Variants in FARS2 observed in about 807,000 individuals in gnomAD.
The protein encoded by FARS2 is phenylalanine--tRNA ligase, mitochondrial.
FARS2 carries 40 observed loss-of-function variants against 46.4 expected under a neutral mutation model. The observed-to-expected ratio is 0.86, with a 90% CI of 0.67 to 1.12. FARS2 has a LOEUF of 1.12. Among genes scored for constraint, FARS2 ranks in the 50% most tolerant of loss-of-function variants. FARS2 has a pLI of 0.00. For missense variants in FARS2, 513 were observed against 567.9 expected, an observed-to-expected ratio of 0.90 and a Z score of 0.98; for synonymous variants, 234 against 214.9, an observed-to-expected ratio of 1.09 and a Z score of -0.78.
At chr6:5,563,472 A>T (rs773074562) in intron 5 of FARS2, among the ~76,000 whole-genome samples, 4 of 152,126 alleles carry the variant, frequency 2.6e-5, no homozygotes, top group Non-Finnish European at 5.9e-5. Context: ...TTTTCCAGAG[A>T]TGCTTTAAAA....
At chr6:5,317,614 CTACAAAAA>C (rs1380907020) in intron 1 of FARS2, among the ~76,000 whole-genome samples, 7 of 151,840 alleles carry the variant, frequency 4.6e-5, no homozygotes, top group African/African-American at 1.5e-4. Flanking sequence ...AACCCCATCT[CTACAAAAA>C]TACAAAAATT....
intron 1 of FARS2, among the ~76,000 whole-genome samples, chr6:5,339,302 G>A (rs1771386293): frequency 1.3e-5 from 2 of 152,134 alleles, no homozygotes; most frequent in Admixed American, 1.3e-4. Context: ...TTCCTAATTG[G>A]CTCAAAGATA....
chr6:5,704,068 A>G (rs373511113), intron 6 of FARS2, among the ~76,000 whole-genome samples: 62 of 152,262 alleles, frequency 4.1e-4, no homozygotes, highest in African/African-American at 1.5e-3. Context: ...TCAGATGCCA[A>G]CGCTGGTCAG....
At chr6:5,502,780 C>G (rs1478503365) in intron 4 of FARS2, among the ~76,000 whole-genome samples, 1 of 152,202 alleles carries the variant, frequency 6.6e-6, no homozygotes, top group African/African-American at 2.4e-5. Context: ...GTAGGTATAG[C>G]TTTTAATATC....
chr6:5,485,829 G>T (rs1459324313), intron 4 of FARS2, among the ~76,000 whole-genome samples: 1 of 152,146 alleles, frequency 6.6e-6, no homozygotes, highest in Non-Finnish European at 1.5e-5. Flanking sequence ...ATTAGAATTC[G>T]GTACCACTGA....
rs1000120234 is a variant in FARS2, at chr6:5,650,102, G to A, written c.1217+36782G>A. Among the ~76,000 whole-genome samples the A allele has an allele frequency of 3.9e-5, 6 of 152,058 alleles. 1 individual carries two copies. The highest frequency in any genetic ancestry group is 1.3e-4 in the Admixed American group (2 of 15,276). ...TAACTAAGGTCAGAGGACCGAGCCT[G>A]GGGTTTTAAAAGAATTCACGGAGCA... On this transcript the variant is annotated intron_variant, in intron 6 of 6. Transcript: ENST00000274680.
chr6:5,340,110 C>T (rs1308964289), intron 1 of FARS2, among the ~76,000 whole-genome samples: 1 of 152,184 alleles, frequency 6.6e-6, no homozygotes, highest in East Asian at 1.9e-4. Context: ...TATTAGGTGC[C>T]TTTCACATCT....
At chr6:5,575,142 A>G (rs76502668) in intron 5 of FARS2, among the ~76,000 whole-genome samples, 2,872 of 152,262 alleles carry the variant, frequency 0.019, 90 homozygotes, top group African/African-American at 0.065. Flanking sequence ...AGAGTACTTC[A>G]GCACTATGCT....
At chr6:5,574,076 T>G (rs150480338) in intron 5 of FARS2, among the ~76,000 whole-genome samples, 233 of 152,350 alleles carry the variant, frequency 1.5e-3, no homozygotes, top group African/African-American at 5.3e-3. Context: ...GTAGTGAATA[T>G]GCTAATTGCA....
chr6:5,625,770 T>C (rs927834201), intron 6 of FARS2, among the ~76,000 whole-genome samples: 1 of 152,162 alleles, frequency 6.6e-6, no homozygotes, highest in Non-Finnish European at 1.5e-5. Flanking sequence ...GGGACTCTGC[T>C]GTTACAGCAG....
chr6:5,750,865 C>G (rs1761906857), intron 6 of FARS2, among the ~76,000 whole-genome samples: 1 of 152,186 alleles, frequency 6.6e-6, no homozygotes, highest in Non-Finnish European at 1.5e-5. Flanking sequence ...GTGATCATCT[C>G]TCATGGTCAA....
At chr6:5,264,497 T>G (rs1266546925) in intron 1 of FARS2, among the ~76,000 whole-genome samples, 1 of 142,670 alleles carries the variant, frequency 7.0e-6, no homozygotes, top group Non-Finnish European at 1.5e-5. Flanking sequence ...TCTTTTTTCT[T>G]TTTTTTTTTT....
intron 4 of FARS2, among the ~76,000 whole-genome samples, chr6:5,462,255 T>G (rs1765284515): frequency 6.6e-6 from 1 of 152,178 alleles, no homozygotes; most frequent in African/African-American, 2.4e-5. Context: ...TTATTTGTCT[T>G]ATTATTCAGT....
intron 6 of FARS2, among the ~76,000 whole-genome samples, chr6:5,724,232 AC>A (rs1161821845): frequency 6.6e-6 from 1 of 152,348 alleles, no homozygotes; most frequent in East Asian, 1.9e-4. Flanking sequence ...TGAGAGGGCA[AC>A]CACCGGTGCC....
At chr6:5,725,402 G>C (rs994607889) in intron 6 of FARS2, among the ~76,000 whole-genome samples, 1 of 152,184 alleles carries the variant, frequency 6.6e-6, no homozygotes, top group African/African-American at 2.4e-5. Flanking sequence ...AGCAGGGAGG[G>C]AAGTTAGGTC....
intron 5 of FARS2, among the ~76,000 whole-genome samples, chr6:5,585,101 G>T (rs1046533176): frequency 1.8e-4 from 28 of 152,070 alleles, no homozygotes; most frequent in African/African-American, 5.3e-4. Context: ...GCAGAATTAT[G>T]TGGGGAAAAC....
rs546360805 is a variant in FARS2, at chr6:5,655,583, G to C, written c.1217+42263G>C. Among the ~76,000 whole-genome samples, 6 of 152,268 alleles carry C rather than the reference G, an allele frequency of 3.9e-5. 1 individual carries two copies. The South Asian group carries it at 1.2e-3, about 32-fold the overall frequency. ...CATCTAGCGGTCCCTGCATCCTTTGGCTTGTGGCCCCTTCCTCACATCTCC... is the reference window on the plus strand; with the variant it reads ...CATCTAGCGGTCCCTGCATCCTTTGCCTTGTGGCCCCTTCCTCACATCTCC... On this transcript the variant is annotated intron_variant, in intron 6 of 6. Coordinates refer to ENST00000274680, the MANE Select transcript of FARS2 (RefSeq NM_006567.5).
chr6:5,560,594 G>T (rs561190712), intron 5 of FARS2, among the ~76,000 whole-genome samples: 1 of 151,992 alleles, frequency 6.6e-6, no homozygotes, highest in Non-Finnish European at 1.5e-5. Flanking sequence ...TAGTTTAGAA[G>T]TATTTCCATT....
chr6:5,533,138 C>G (rs543561200), intron 4 of FARS2, among the ~76,000 whole-genome samples: 1 of 152,076 alleles, frequency 6.6e-6, no homozygotes, highest in South Asian at 2.1e-4. Context: ...AGGGGACTTG[C>G]GACGCTGTGC....
Sources: gnomAD v4.1 joint callset for allele counts (sites outside exome capture counted in the v4.1 genomes callset) on GRCh38, gnomAD v4.1.1 for gene constraint, MANE v1.5 for transcripts, NCBI Gene and HGNC (gene_info 2026-07-23, HGNC 2026-07-21) for gene names.